The following HPSE2 variants were observed in gnomAD, a reference collection of about 807,000 sequenced individuals.
HPSE2 encodes heparanase 2 (inactive).
In HPSE2, 38 loss-of-function variants were observed where a neutral mutation model predicts 60.5. That is an observed-to-expected ratio of 0.63 (90% CI 0.48 to 0.82). The LOEUF is 0.82. HPSE2 is among the 40% of genes least tolerant of loss of function. The pLI is 0.00. For missense variants in HPSE2, 713 were observed against 740.4 expected (o/e 0.96, Z 0.43); for synonymous variants, 295 against 293.2 (o/e 1.01, Z -0.06).
chr10:98,460,190 GC>G (rs949093556), intron 11 of HPSE2, among the ~76,000 whole-genome samples: 9 of 152,182 alleles, frequency 5.9e-5, no homozygotes, highest in Non-Finnish European at 8.8e-5. Context: ...TGATACATGG[GC>G]TTAAGATGAC....
At chr10:98,914,938 G>A (rs1016722625) in intron 3 of HPSE2, among the ~76,000 whole-genome samples, 3 of 150,604 alleles carry the variant, frequency 2.0e-5, no homozygotes, top group Admixed American at 6.6e-5. Flanking sequence ...AAAACTTTCC[G>A]AAGATAAAGC....
chr10:99,272,338 C>A, the HPSE2 span, among the ~76,000 whole-genome samples: 3 of 149,932 alleles, frequency 2.0e-5, no homozygotes, highest in Admixed American at 2.0e-4. Flanking sequence ...TAGAAGGAAA[C>A]ATTGGAAAAA....
intron 4 of HPSE2, among the ~76,000 whole-genome samples, chr10:98,725,866 C>T (rs1329483940): frequency 6.6e-6 from 1 of 152,060 alleles, no homozygotes; most frequent in Non-Finnish European, 1.5e-5. Context: ...ATTTATGCAG[C>T]CAAAAAACAC....
chr10:98,909,229 C>T (rs1953911618), intron 3 of HPSE2, among the ~76,000 whole-genome samples: 2 of 152,132 alleles, frequency 1.3e-5, no homozygotes, highest in Admixed American at 6.5e-5. Flanking sequence ...TTTGTTACCT[C>T]AGTAACTGAT....
At chr10:99,262,095 A>G in the HPSE2 span, among the ~76,000 whole-genome samples, 1 of 152,312 alleles carries the variant, frequency 6.6e-6, no homozygotes, top group East Asian at 1.9e-4. Context: ...GGAAGCCTAC[A>G]GGACCATCAC....
intron 11 of HPSE2, among the ~76,000 whole-genome samples, chr10:98,461,595 T>A (rs1470486908): frequency 3.9e-5 from 6 of 152,188 alleles, no homozygotes; most frequent in Non-Finnish European, 8.8e-5. Context: ...TTATTTTGTT[T>A]CAGGTGCTAT....
intron 9 of HPSE2, among the ~76,000 whole-genome samples, chr10:98,519,719 C>T (rs1242578428): frequency 2.0e-5 from 3 of 152,220 alleles, no homozygotes; most frequent in Admixed American, 6.5e-5. Context: ...GGAGACCTAA[C>T]TGCAGCTTTA....
intron 2 of HPSE2, among the ~76,000 whole-genome samples, chr10:99,154,767 G>A (rs906064351): frequency 6.6e-6 from 1 of 151,760 alleles, no homozygotes; most frequent in Non-Finnish European, 1.5e-5. Context: ...AACTTTAAAT[G>A]TAAAGGGACT....
At chr10:98,584,566 C>G (rs984405156) in intron 9 of HPSE2, among the ~76,000 whole-genome samples, 1 of 152,194 alleles carries the variant, frequency 6.6e-6, no homozygotes, top group Non-Finnish European at 1.5e-5. Context: ...CCTCAAGTCT[C>G]CTTTGAACTC....
chr10:98,903,382 T>A (rs917140226), intron 3 of HPSE2, among the ~76,000 whole-genome samples: 1 of 152,032 alleles, frequency 6.6e-6, no homozygotes, highest in African/African-American at 2.4e-5. Flanking sequence ...TTAAAAGACA[T>A]TGAATTGTAC....
chr10:98,603,575 A>G (rs988435899), intron 9 of HPSE2, among the ~76,000 whole-genome samples: 35 of 151,946 alleles, frequency 2.3e-4, no homozygotes, highest in African/African-American at 7.5e-4. Flanking sequence ...GACTACAGGC[A>G]CACACCACCA....
At chr10:98,561,564 T>C (rs1043253873) in intron 9 of HPSE2, among the ~76,000 whole-genome samples, 10 of 152,156 alleles carry the variant, frequency 6.6e-5, no homozygotes, top group African/African-American at 2.4e-4. Context: ...AAGAAAAACT[T>C]TGGCCAGGTG....
chr10:98,982,064 T>G (rs192448232), intron 3 of HPSE2, among the ~76,000 whole-genome samples: 1 of 152,244 alleles, frequency 6.6e-6, no homozygotes, highest in African/African-American at 2.4e-5. Flanking sequence ...AAAATTAGAT[T>G]TTGTTTCTCC....
intron 3 of HPSE2, among the ~76,000 whole-genome samples, chr10:98,902,037 G>A (rs1366344208): frequency 6.6e-6 from 1 of 152,070 alleles, no homozygotes; most frequent in Non-Finnish European, 1.5e-5. Flanking sequence ...GCTATAATTT[G>A]TTCATGTAAT....
intron 3 of HPSE2, among the ~76,000 whole-genome samples, chr10:98,926,916 G>A (rs995989552): frequency 2.6e-5 from 4 of 152,150 alleles, no homozygotes; most frequent in African/African-American, 7.2e-5. Flanking sequence ...GTAGTTGAGC[G>A]GTTTTGAGTG....
intron 3 of HPSE2, among the ~76,000 whole-genome samples, chr10:99,042,198 TTCCTGCACC>T (rs1957754902): frequency 6.6e-6 from 1 of 151,916 alleles, no homozygotes; most frequent in Non-Finnish European, 1.5e-5. Context: ...CCTGACTACT[TTCCTGCACC>T]GACAGCACAC....
At chr10:99,229,736 A>T (rs991769230) in intron 2 of HPSE2, among the ~76,000 whole-genome samples, 2 of 152,172 alleles carry the variant, frequency 1.3e-5, no homozygotes, top group Non-Finnish European at 2.9e-5. Flanking sequence ...ATATCTTATT[A>T]CTCAAAATGT....
chr10:99,139,976 C>T (rs543320448), intron 3 of HPSE2, among the ~76,000 whole-genome samples: 2 of 152,218 alleles, frequency 1.3e-5, no homozygotes, highest in Admixed American at 1.3e-4. Flanking sequence ...TGATATAATC[C>T]ACATCACTCT....
chr10:98,639,073 T>G (rs1051634155), intron 7 of HPSE2, among the ~76,000 whole-genome samples: 1 of 152,184 alleles, frequency 6.6e-6, no homozygotes, highest in Non-Finnish European at 1.5e-5. Flanking sequence ...TGGCGACTAC[T>G]TCAATGAACA....
Sources: gnomAD v4.1 joint callset for allele counts (sites outside exome capture counted in the v4.1 genomes callset) on GRCh38, gnomAD v4.1.1 for gene constraint, MANE v1.5 for transcripts, NCBI Gene and HGNC (gene_info 2026-07-23, HGNC 2026-07-21) for gene names.